CDKAL1: variants seen among roughly 807,000 people sequenced by gnomAD.
The protein encoded by CDKAL1 is threonylcarbamoyladenosine tRNA methylthiotransferase.
In CDKAL1, 32 loss-of-function variants were observed where a neutral mutation model predicts 68.2. The ratio of observed to expected loss-of-function variants is 0.47; its 90% CI spans 0.35 to 0.63. The LOEUF (loss-of-function observed/expected upper bound fraction) is 0.63. Ranked by LOEUF, CDKAL1 falls within the 30% of genes least tolerant of loss-of-function variation. CDKAL1 has a pLI of 0.00. For missense variants in CDKAL1, 606 were observed against 696.7 expected (o/e 0.87, Z 1.47); for synonymous variants, 234 against 244.3 (o/e 0.96, Z 0.39).
intron 9 of CDKAL1, among the ~76,000 whole-genome samples, chr6:20,852,599 CA>C (rs771910582): frequency 6.6e-6 from 1 of 152,130 alleles, no homozygotes; most frequent in Non-Finnish European, 1.5e-5. Flanking sequence ...AGCTATTTAT[CA>C]GATATTCAGT....
chr6:20,745,173 A>G (rs62399298), intron 6 of CDKAL1, among the ~76,000 whole-genome samples: 6,264 of 152,334 alleles, frequency 0.041, 145 homozygotes, highest in Middle Eastern at 0.082. Context: ...CTTTTCAGGC[A>G]GGCTGCTCTA....
At chr6:20,988,843 A>G (rs1421464898) in intron 10 of CDKAL1, among the ~76,000 whole-genome samples, 2 of 143,404 alleles carry the variant, frequency 1.4e-5, no homozygotes, top group Admixed American at 7.1e-5. Context: ...TATTTTTAGT[A>G]GAGACGGGGT....
chr6:21,130,221 CTTTTTT>C (rs10708944), intron 13 of CDKAL1, among the ~76,000 whole-genome samples: 32 of 115,626 alleles, frequency 2.8e-4, no homozygotes, highest in African/African-American at 9.5e-4. Context: ...TTGGACCTAA[CTTTTTT>C]TTTTTTTTTT....
chr6:20,958,125 A>G (rs1010352730), intron 10 of CDKAL1, among the ~76,000 whole-genome samples: 1 of 152,204 alleles, frequency 6.6e-6, no homozygotes, highest in Non-Finnish European at 1.5e-5. Flanking sequence ...TGTTCCCCAC[A>G]GAAAGCCACC....
In CDKAL1 at chr6:20,735,703, C is replaced by T. The variant is rs72832310; in HGVS notation, c.372-3816C>T. Among the ~76,000 whole-genome samples, 885 of 152,224 alleles carry T rather than the reference C, an allele frequency of 5.8e-3. 6 individuals carry two copies. The highest frequency in any genetic ancestry group is 9.2e-3 in the Non-Finnish European group (629 of 68,010). On this transcript the variant is annotated intron_variant, in intron 5 of 15. Coordinates refer to ENST00000274695, the MANE Select transcript of CDKAL1 (RefSeq NM_017774.3). Reference sequence around the variant, plus strand: ...ATAAGCTTTCGCCTATTTCATGTCACGAGAACATTGTCCCTGAGTTGTTAT... The same window carrying T: ...ATAAGCTTTCGCCTATTTCATGTCATGAGAACATTGTCCCTGAGTTGTTAT...
intron 10 of CDKAL1, among the ~76,000 whole-genome samples, chr6:20,994,639 T>C (rs1767007041): frequency 6.6e-6 from 1 of 152,218 alleles, no homozygotes; most frequent in Non-Finnish European, 1.5e-5. Context: ...CTCTGCAAAA[T>C]AGCAAATATC....
At chr6:20,822,973 A>G (rs1777348463) in intron 8 of CDKAL1, among the ~76,000 whole-genome samples, 1 of 152,178 alleles carries the variant, frequency 6.6e-6, no homozygotes, top group African/African-American at 2.4e-5. Flanking sequence ...TAAATTAAAT[A>G]CAAACTTCTC....
intron 9 of CDKAL1, among the ~76,000 whole-genome samples, chr6:20,950,065 C>A (rs1764448074): frequency 6.6e-6 from 1 of 152,088 alleles, no homozygotes; most frequent in Non-Finnish European, 1.5e-5. Context: ...GCTAGGATGG[C>A]AGGCACGAGC....
Position 21,206,073 on chromosome 6 carries a change from C to T in CDKAL1, c.1548+4799C>T, listed in dbSNP as rs575351129. 3.5e-5 allele frequency among the ~76,000 whole-genome samples: 5 copies of T among 141,756 alleles called. No individual in the cohort carries two copies. In the South Asian group the frequency reaches 9.2e-4, roughly 26 times the overall value. The allele number at this position is 141,756 out of a possible 152,430, so 93.0% of individuals were successfully genotyped here. On this transcript the variant is annotated intron_variant, in intron 15 of 15. Transcript: ENST00000274695. The stretch of plus-strand genomic sequence containing the variant: ...GTCTCTATCTCCTGACCTTGTGATC[C>T]GCCCGCCTTAGCCTCCCAAAGTGCT...
At chr6:20,621,726 C>T (rs1767199877) in intron 4 of CDKAL1, among the ~76,000 whole-genome samples, 1 of 150,128 alleles carries the variant, frequency 6.7e-6, no homozygotes, top group Non-Finnish European at 1.5e-5. Flanking sequence ...ATGACCCTGT[C>T]AGTCACTTCC....
chr6:20,673,232 TATACAGATGTC>T (rs1769932513), intron 5 of CDKAL1, among the ~76,000 whole-genome samples: 1 of 151,958 alleles, frequency 6.6e-6, no homozygotes, highest in Admixed American at 6.5e-5. Flanking sequence ...AGGCTTTGGA[TATACAGATGTC>T]ATTCCAGATC....
intron 4 of CDKAL1, among the ~76,000 whole-genome samples, chr6:20,565,113 A>T (rs1244486818): frequency 6.6e-6 from 1 of 152,002 alleles, no homozygotes; most frequent in Non-Finnish European, 1.5e-5. Context: ...TACAAGTAGG[A>T]TATTTTTTTA....
intron 10 of CDKAL1, among the ~76,000 whole-genome samples, chr6:20,982,416 T>C (rs1401114706): frequency 6.6e-6 from 1 of 152,154 alleles, no homozygotes; most frequent in Non-Finnish European, 1.5e-5. Context: ...TTAATCATTG[T>C]TATTTAGGCT....
intron 11 of CDKAL1, among the ~76,000 whole-genome samples, chr6:21,010,232 A>T (rs1182021486): frequency 6.6e-6 from 1 of 152,220 alleles, no homozygotes; most frequent in African/African-American, 2.4e-5. Context: ...CTGTAATAAC[A>T]TCTTTAATTA....
At chr6:20,692,625 G>A (rs79628897) in intron 5 of CDKAL1, among the ~76,000 whole-genome samples, 1,667 of 152,102 alleles carry the variant, frequency 0.011, 23 homozygotes, top group African/African-American at 0.034. Context: ...GCTTGATGGT[G>A]GGGAATATCA....
rs73379347 is a variant in CDKAL1 at position 20,743,707 on chromosome 6, G to A, written c.468+4092G>A. ...TTATTTGTGTGATGGTGCATGGAAAGAAAATAACAACATTGAAACCAGAAA... is the reference window on the plus strand; with the variant it reads ...TTATTTGTGTGATGGTGCATGGAAAAAAAATAACAACATTGAAACCAGAAA... On this transcript the variant is annotated intron_variant, in intron 6 of 15. Transcript: ENST00000274695. Among the ~76,000 whole-genome samples the A allele has an allele frequency of 7.7e-3, 1,172 of 152,244 alleles. 22 individuals carry two copies. The highest frequency in any genetic ancestry group is 0.026 in the African/African-American group (1,096 of 41,546).
chr6:20,814,230 A>G (rs1776945772), intron 8 of CDKAL1, among the ~76,000 whole-genome samples: 1 of 152,024 alleles, frequency 6.6e-6, no homozygotes, highest in Non-Finnish European at 1.5e-5. Flanking sequence ...GTTTGTTACT[A>G]TTATATAAAA....
At chr6:21,086,291 G>T (rs951699093) in intron 12 of CDKAL1, among the ~76,000 whole-genome samples, 2 of 152,050 alleles carry the variant, frequency 1.3e-5, no homozygotes, top group African/African-American at 4.8e-5. Context: ...AATTATAGTG[G>T]CAAGGGAGAA....
At position 21,068,203 on chromosome 6, in the gene CDKAL1, G is replaced by C. The variant is rs546537650; in HGVS notation, c.1236+2975G>C. Reference sequence around the variant, plus strand: ...TCATGGTGCCTTTTGAAGAACAGACGTTCTTCATTTTAATGTAGAATTTAT... The same window carrying C: ...TCATGGTGCCTTTTGAAGAACAGACCTTCTTCATTTTAATGTAGAATTTAT... On this transcript the variant is annotated intron_variant, in intron 12 of 15. Transcript: ENST00000274695. Among the ~76,000 whole-genome samples the C allele has an allele frequency of 4.1e-5, 6 of 146,762 alleles. 1 individual carries two copies. In the East Asian group the frequency reaches 1.2e-3, roughly 29 times the overall value.
Sources: gnomAD v4.1 joint callset for allele counts (sites outside exome capture counted in the v4.1 genomes callset) on GRCh38, gnomAD v4.1.1 for gene constraint, MANE v1.5 for transcripts, NCBI Gene and HGNC (gene_info 2026-07-23, HGNC 2026-07-21) for gene names.